RPIA: variants seen among roughly 807,000 people sequenced by gnomAD.
RPIA encodes ribose 5-phosphate isomerase A.
Under a neutral mutation model 37.8 loss-of-function variants are expected in RPIA, and 29 were observed. That is an observed-to-expected ratio of 0.77 (90% CI 0.57 to 1.05). RPIA has a LOEUF of 1.05. RPIA is among the 50% of genes least tolerant of loss of function. RPIA has a pLI of 0.00. For synonymous variants in RPIA, 167 were observed against 157.0 expected (o/e 1.06, Z -0.48); for missense variants, 385 against 413.6 (o/e 0.93, Z 0.60).
intron 3 of RPIA, among the ~76,000 whole-genome samples, chr2:88,722,046 G>C (rs1410975525): frequency 7.2e-6 from 1 of 139,784 alleles, no homozygotes; most frequent in East Asian, 2.1e-4. Context: ...TTTCTGGTTT[G>C]TCCTGAACAT....
intron 7 of RPIA, 52 bp from the exon 8 acceptor site, chr2:88,737,925 C>T (rs1157722952): frequency 1.5e-6 from 2 of 1,367,004 alleles, no homozygotes; most frequent in Admixed American, 3.4e-5. Context: ...TCCTGTCCTT[C>T]TCTGCCTACC....
At chr2:88,714,189 T>A (rs928030208) in intron 3 of RPIA, among the ~76,000 whole-genome samples, 1 of 152,034 alleles carries the variant, frequency 6.6e-6, no homozygotes, top group African/African-American at 2.4e-5. Flanking sequence ...GTTTGTTTTT[T>A]AGATGGAGTT....
At chr2:88,742,549 T>C (rs1175359377) in intron 8 of RPIA, among the ~76,000 whole-genome samples, 1 of 152,200 alleles carries the variant, frequency 6.6e-6, no homozygotes, top group African/African-American at 2.4e-5. Flanking sequence ...CTTTTCCATA[T>C]GAATTTTAGG....
chr2:88,728,273 AT>A (rs1345582261), intron 3 of RPIA, among the ~76,000 whole-genome samples: 1 of 152,102 alleles, frequency 6.6e-6, no homozygotes, highest in Non-Finnish European at 1.5e-5. Flanking sequence ...CAACATTACA[AT>A]TTTCAAGATC....
chr2:88,729,852 A>G (rs1673244199), intron 4 of RPIA, among the ~76,000 whole-genome samples: 1 of 39,844 alleles, frequency 2.5e-5, no homozygotes, highest in Non-Finnish European at 4.6e-5. Context: ...AAAAAAAGAG[A>G]GAAGAATCAA....
chr2:88,735,222 C>T (rs1673300394), intron 5 of RPIA, among the ~76,000 whole-genome samples: 2 of 152,196 alleles, frequency 1.3e-5, no homozygotes, highest in Admixed American at 1.3e-4. Flanking sequence ...AGTTTAGCTG[C>T]TAAACCCTAG....
At chr2:88,739,189 C>T (rs1274363489) in intron 8 of RPIA, among the ~76,000 whole-genome samples, 2 of 152,086 alleles carry the variant, frequency 1.3e-5, no homozygotes, top group Non-Finnish European at 2.9e-5. Context: ...TAGGATATTG[C>T]GAGACTAAGA....
chr2:88,747,403 G>A (rs1451001630), intron 8 of RPIA, among the ~76,000 whole-genome samples: 1 of 152,164 alleles, frequency 6.6e-6, no homozygotes, highest in Non-Finnish European at 1.5e-5. Flanking sequence ...CTGCCTGCCT[G>A]CACCTTCGGC....
intron 3 of RPIA, among the ~76,000 whole-genome samples, chr2:88,720,303 A>C (rs965737860): frequency 5.3e-5 from 8 of 152,248 alleles, no homozygotes; most frequent in Admixed American, 2.6e-4. Flanking sequence ...TTATTTCCAT[A>C]AAACGTAAAA....
intron 3 of RPIA, among the ~76,000 whole-genome samples, chr2:88,705,107 A>G (rs932039187): frequency 6.6e-6 from 1 of 152,242 alleles, no homozygotes; most frequent in Non-Finnish European, 1.5e-5. Flanking sequence ...ATGGATAGGA[A>G]GAATCAATAT....
intron 3 of RPIA, among the ~76,000 whole-genome samples, chr2:88,707,304 T>C (rs1353569025): frequency 6.7e-6 from 1 of 148,466 alleles, no homozygotes; most frequent in Non-Finnish European, 1.5e-5. Context: ...CTTGTGATTT[T>C]CTTTTTTTTT....
At chr2:88,707,268 G>A (rs56222761) in intron 3 of RPIA, among the ~76,000 whole-genome samples, 9,978 of 151,458 alleles carry the variant, frequency 0.066, 590 homozygotes, top group African/African-American at 0.16. Context: ...CTTTTAATCT[G>A]TTTAGACTGG....
chr2:88,693,972 G>A (rs1239981166), intron 1 of RPIA, among the ~76,000 whole-genome samples: 2 of 152,214 alleles, frequency 1.3e-5, no homozygotes, highest in East Asian at 3.8e-4. Context: ...TTTGGAGCCT[G>A]GGCTTTGTTT....
intron 4 of RPIA, among the ~76,000 whole-genome samples, chr2:88,733,069 T>C (rs73954320): frequency 0.064 from 9,775 of 152,260 alleles, 565 homozygotes; most frequent in African/African-American, 0.15. Flanking sequence ...AGGCACATCT[T>C]TTCTAGACTA....
rs574893061 is a variant in RPIA at position 88,727,130 on chromosome 2, T to C, written c.403-2148T>C. 1.2e-4 allele frequency among the ~76,000 whole-genome samples: 19 copies of C among 152,320 alleles called. No homozygotes were observed. The South Asian group carries it at 3.7e-3, about 30-fold the overall frequency. ...ATGTGTGCGCGTGCATGTGTGCGCATGCGAGAGAGAGGAGCATGCCAGTCT... is the reference window on the plus strand; with the variant it reads ...ATGTGTGCGCGTGCATGTGTGCGCACGCGAGAGAGAGGAGCATGCCAGTCT... On this transcript the variant is annotated intron_variant, in intron 3 of 8. Coordinates refer to ENST00000283646, the MANE Select transcript of RPIA (RefSeq NM_144563.3).
chr2:88,703,303 C>T (rs980634940), intron 3 of RPIA, among the ~76,000 whole-genome samples: 12 of 152,194 alleles, frequency 7.9e-5, no homozygotes, highest in African/African-American at 2.7e-4. Context: ...TGCAGGGGCT[C>T]CAACCCCACA....
intron 4 of RPIA, 56 bp from the exon 5 acceptor site, chr2:88,734,496 A>C (rs1558698507): frequency 6.4e-7 from 1 of 1,557,194 alleles, no homozygotes; most frequent in Non-Finnish European, 8.9e-7. Context: ...TGCTCAGGCA[A>C]TTAGCAGAGG....
At chr2:88,714,297 G>C (rs562782934) in intron 3 of RPIA, among the ~76,000 whole-genome samples, 2 of 152,186 alleles carry the variant, frequency 1.3e-5, no homozygotes, top group Admixed American at 1.3e-4. Flanking sequence ...CAGCCTCCAA[G>C]TAGCTGGGAT....
chr2:88,725,884 G>GA (rs1673190989), intron 3 of RPIA, among the ~76,000 whole-genome samples: 1 of 152,174 alleles, frequency 6.6e-6, no homozygotes, highest in African/African-American at 2.4e-5. Flanking sequence ...TTGCTGATGG[G>GA]AACAGGCTTA....
Sources: allele counts gnomAD v4.1 joint callset (sites outside exome capture counted in the v4.1 genomes callset), GRCh38; gene constraint gnomAD v4.1.1; transcripts MANE v1.5; gene names NCBI Gene and HGNC (gene_info 2026-07-23, HGNC 2026-07-21).